The following RGS6 variants were observed in gnomAD, a reference collection of about 807,000 sequenced individuals.
The protein encoded by RGS6 is regulator of G-protein signaling 6.
Under a neutral mutation model 78.5 loss-of-function variants are expected in RGS6, and 30 were observed. The observed-to-expected ratio is 0.38, with a 90% CI of 0.29 to 0.52. The LOEUF is 0.52. Ranked by LOEUF, RGS6 falls within the 20% of genes least tolerant of loss-of-function variation. The pLI is 0.85. For synonymous variants in RGS6, 206 were observed against 206.0 expected, an observed-to-expected ratio of 1.00 and a Z score of 0.00; for missense variants, 495 against 609.7, an observed-to-expected ratio of 0.81 and a Z score of 1.98.
rs10571406 is a variant in RGS6 at position 71,967,189 on chromosome 14, G to GTATATATATATATATA, written c.84+2320_84+2335dup. 9.6e-4 allele frequency among the ~76,000 whole-genome samples: 140 copies of GTATATATATATATATA among 145,844 alleles called. 1 individual carries two copies. The highest frequency in any genetic ancestry group is 3.3e-3 in the African/African-American group (129 of 38,864). ...TTCGTGTGACAAACTTGTGTAAAGAGTATATATATATATATATATATGTTC... is the reference window on the plus strand; with the variant it reads ...TTCGTGTGACAAACTTGTGTAAAGAGTATATATATATATATATATATATATATATATATATATGTTC... On this transcript the variant is annotated intron_variant, in intron 2 of 17. Coordinates refer to ENST00000553525, the MANE Select transcript of RGS6 (RefSeq NM_001204424.2).
intron 15 of RGS6, 105 bp downstream of exon 15, chr14:72,518,642 G>A (rs2096985634): frequency 9.0e-7 from 1 of 1,115,946 alleles, no homozygotes; most frequent in Non-Finnish European, 1.3e-6. Context: ...TAAAATTTCA[G>A]ATTTGGTTAT....
intron 2 of RGS6, among the ~76,000 whole-genome samples, chr14:72,178,742 T>A (rs1330588985): frequency 1.3e-5 from 2 of 152,192 alleles, no homozygotes; most frequent in Non-Finnish European, 2.9e-5. Flanking sequence ...TGCAGGGTCG[T>A]GGACTATGAC....
chr14:72,180,007 G>C (rs976493309), intron 2 of RGS6, among the ~76,000 whole-genome samples: 61 of 152,176 alleles, frequency 4.0e-4, no homozygotes, highest in Non-Finnish European at 2.4e-4. Context: ...TTCTGTGTTG[G>C]CTGTCCTGCA....
chr14:72,327,666 G>A (rs2074106635), intron 2 of RGS6, among the ~76,000 whole-genome samples: 1 of 152,194 alleles, frequency 6.6e-6, no homozygotes, highest in South Asian at 2.1e-4. Flanking sequence ...AAAAAGATTT[G>A]AAGGACTAAA....
At chr14:72,391,920 G>C (rs2090085238) in intron 3 of RGS6, among the ~76,000 whole-genome samples, 2 of 152,152 alleles carry the variant, frequency 1.3e-5, no homozygotes, top group African/African-American at 4.8e-5. Flanking sequence ...CCTGCAAAGG[G>C]AATGAACTCA....
chr14:72,054,824 A>G (rs1482237474), intron 2 of RGS6, among the ~76,000 whole-genome samples: 2 of 151,962 alleles, frequency 1.3e-5, no homozygotes, highest in South Asian at 4.2e-4. Flanking sequence ...TAAGCAATAC[A>G]TTGTTTCATT....
At chr14:72,426,444 TG>T (rs2094438213) in intron 3 of RGS6, among the ~76,000 whole-genome samples, 1 of 152,206 alleles carries the variant, frequency 6.6e-6, no homozygotes, top group Admixed American at 6.5e-5. Context: ...AACTATTTTA[TG>T]GTATTGAGAG....
chr14:72,227,269 A>T (rs1483073916), intron 2 of RGS6, among the ~76,000 whole-genome samples: 1 of 152,192 alleles, frequency 6.6e-6, no homozygotes, highest in East Asian at 1.9e-4. Flanking sequence ...TTAATATTGC[A>T]TACTGTGCAG....
chr14:72,295,509 G>A (rs2064625247), intron 2 of RGS6, among the ~76,000 whole-genome samples: 1 of 151,844 alleles, frequency 6.6e-6, no homozygotes, highest in Admixed American at 6.6e-5. Flanking sequence ...TGCATAGGAG[G>A]GAGAGAGAGA....
intron 2 of RGS6, among the ~76,000 whole-genome samples, chr14:72,349,585 A>G (rs910855271): frequency 1.3e-5 from 2 of 152,192 alleles, no homozygotes; most frequent in African/African-American, 4.8e-5. Flanking sequence ...GCTGGAGTGT[A>G]GTCTTCTTTC....
chr14:72,546,157 G>T (rs986490457), intron 17 of RGS6, among the ~76,000 whole-genome samples: 12 of 152,182 alleles, frequency 7.9e-5, no homozygotes, highest in Non-Finnish European at 1.5e-4. Context: ...GAGTATGAGA[G>T]ACAGTGTTAT....
intron 9 of RGS6, among the ~76,000 whole-genome samples, chr14:72,473,665 A>G (rs1290609943): frequency 1.3e-5 from 2 of 152,180 alleles, no homozygotes; most frequent in East Asian, 1.9e-4. Context: ...CTTTGCAAAC[A>G]CTGAATTAGC....
At chr14:72,599,393 C>CTTTTTTTTTTTTTTTTTTTTTTTTT in the RGS6 span, among the ~76,000 whole-genome samples, 1 of 78,226 alleles carries the variant, frequency 1.3e-5, no homozygotes, top group Admixed American at 1.6e-4. Flanking sequence ...CTTTTCTTTC[C>CTTTTTTTTTTTTTTTTTTTTTTTTT]TTTTTTTTTT....
chr14:72,575,501 C>T, the RGS6 span, among the ~76,000 whole-genome samples: 1 of 152,246 alleles, frequency 6.6e-6, no homozygotes, highest in Non-Finnish European at 1.5e-5. Context: ...GGACAGAGTT[C>T]ATAGGTTGGT....
intron 17 of RGS6, chr14:72,550,814 T>C: frequency 1.9e-6 from 1 of 520,726 alleles, no homozygotes; most frequent in Admixed American, 3.8e-5. Flanking sequence ...CTTGCTTGCT[T>C]TTTGTTGTTG....
chr14:72,474,552 TG>T, intron 9 of RGS6, 72 bp from the exon 10 acceptor site: 2 of 1,341,664 alleles, frequency 1.5e-6, no homozygotes, highest in Non-Finnish European at 2.1e-6. Flanking sequence ...TTGGTCCTGA[TG>T]GTGTGACATG....
At chr14:72,522,306 A>G (rs1292211977) in intron 15 of RGS6, among the ~76,000 whole-genome samples, 2 of 152,080 alleles carry the variant, frequency 1.3e-5, no homozygotes, top group Non-Finnish European at 2.9e-5. Flanking sequence ...ATTTGAACCT[A>G]ATTACCTCTC....
intron 3 of RGS6, among the ~76,000 whole-genome samples, chr14:72,424,098 G>C (rs1433246756): frequency 6.6e-6 from 1 of 152,200 alleles, no homozygotes; most frequent in Non-Finnish European, 1.5e-5. Context: ...AGGTGGGACA[G>C]TCTCCTTGGG....
chr14:71,930,668 A>G (rs1294593215), upstream of RGS6, among the ~76,000 whole-genome samples: 1 of 152,006 alleles, frequency 6.6e-6, no homozygotes, highest in Admixed American at 6.6e-5. Flanking sequence ...CTTGGCCCTC[A>G]AGGAGCTGCT....
Sources: allele counts gnomAD v4.1 joint callset (sites outside exome capture counted in the v4.1 genomes callset), GRCh38; gene constraint gnomAD v4.1.1; transcripts MANE v1.5; gene names NCBI Gene and HGNC (gene_info 2026-07-23, HGNC 2026-07-21).